Variants in SYNE1 observed in about 807,000 individuals in gnomAD.
SYNE1 encodes spectrin repeat containing nuclear envelope protein 1, also known as nesprin-1.
In SYNE1, 616 loss-of-function variants were observed where a neutral mutation model predicts 1,111.0. The observed-to-expected ratio is 0.55, with a 90% CI of 0.52 to 0.59. The LOEUF (loss-of-function observed/expected upper bound fraction) is 0.59, where lower values mean the gene tolerates loss of function less well. Among genes scored for constraint, SYNE1 ranks in the 20% least tolerant of loss-of-function variants. The pLI is 0.00. For missense variants in SYNE1, 10,006 were observed against 10,417.0 expected, an observed-to-expected ratio of 0.96 and a Z score of 1.72; for synonymous variants, 3,855 against 3,825.8, an observed-to-expected ratio of 1.01 and a Z score of -0.28.
chr6:152,376,717 A>C, intron 57 of SYNE1, 59 bp downstream of exon 57: 1 of 1,606,586 alleles, frequency 6.2e-7, no homozygotes, highest in Non-Finnish European at 8.5e-7. Flanking sequence ...CCTTAAAATA[A>C]ACTTCTAGCT....
In SYNE1 at chr6:152,167,677, T is replaced by C. The variant is rs148320490; in HGVS notation, c.23628-3352A>G. ...TTCTAGAGCCCTGAAATAGTTTTAT[T>C]TCATGAAAGGAAAGCTTTCAACTAC... On this transcript the variant is annotated intron_variant, in intron 130 of 145. Transcript: ENST00000367255. 5 of 471,042 alleles carry C rather than the reference T, an allele frequency of 1.1e-5. No homozygotes were observed. In the East Asian group the frequency reaches 2.8e-4, roughly 26 times the overall value. The allele number at this position is 471,042 out of a possible 1,614,324, so 29.2% of individuals were successfully genotyped here.
chr6:152,488,641 C>T (rs944279151), intron 11 of SYNE1, 138 bp from the exon 12 acceptor site: 6 of 588,018 alleles, frequency 1.0e-5, no homozygotes, highest in African/African-American at 9.3e-5. Context: ...TTCTCCTTAC[C>T]CCCACCTTTA....
intron 14 of SYNE1, among the ~76,000 whole-genome samples, chr6:152,476,120 G>A (rs1473206987): frequency 6.6e-6 from 1 of 152,018 alleles, no homozygotes; most frequent in East Asian, 1.9e-4. Context: ...CAGTCTCAGA[G>A]CTTTAAACAT....
intron 5 of SYNE1, among the ~76,000 whole-genome samples, chr6:152,525,769 ATCT>A (rs1034940285): frequency 6.6e-6 from 1 of 152,170 alleles, no homozygotes; most frequent in Non-Finnish European, 1.5e-5. Flanking sequence ...TTTGCAACTA[ATCT>A]TCTTGTATAC....
At chr6:152,464,642 T>C (rs1019121655) in intron 18 of SYNE1, among the ~76,000 whole-genome samples, 1 of 152,184 alleles carries the variant, frequency 6.6e-6, no homozygotes, top group African/African-American at 2.4e-5. Context: ...TGATTTTCCA[T>C]GTAAAAATGC....
At position 152,255,740 on chromosome 6, in the gene SYNE1, C is replaced by T. The variant is rs572189966; in HGVS notation, c.19111G>A (p.Gly6371Arg). The change falls in exon 103 of 146, where the codon GGG (glycine) becomes AGG (arginine). Residue 6371 changes from glycine to arginine, a missense_variant. By Grantham distance (125) the Gly-to-Arg change is moderately radical (BLOSUM62 -2). Transcript: ENST00000367255. ...AAGTGTATACTCTGCCTCTTTGCCC[C>T]TCCACTCTGGGAAACACAAAACAGG... ...AFEEVSSQSGGAKRQSIHLEQ... is the reference protein window; with the variant it reads ...AFEEVSSQSGRAKRQSIHLEQ... The T allele has an allele frequency of 2.5e-5, 41 of 1,614,178 alleles. No individual in the cohort carries two copies. The South Asian group carries it at 4.4e-4, about 17-fold the overall frequency.
At chr6:152,277,953 T>G (rs2093762446) in intron 98 of SYNE1, 136 bp downstream of exon 98, 1 of 958,060 alleles carries the variant, frequency 1.0e-6, no homozygotes, top group South Asian at 1.3e-5. Context: ...AGCTGCATGC[T>G]AAAATGTCAG....
intron 22 of SYNE1, among the ~76,000 whole-genome samples, chr6:152,457,798 G>A (rs1488247454): frequency 1.3e-5 from 2 of 151,780 alleles, no homozygotes; most frequent in Non-Finnish European, 2.9e-5. Context: ...GCCTTTTTAA[G>A]TGAAATTAAC....
intron 144 of SYNE1, among the ~76,000 whole-genome samples, chr6:152,131,741 C>T (rs1374462019): frequency 6.6e-6 from 1 of 152,130 alleles, no homozygotes; most frequent in Non-Finnish European, 1.5e-5. Flanking sequence ...CGGTTCTGTG[C>T]ACCTCCAGCC....
chr6:152,582,266 C>T (rs1044554307), intron 3 of SYNE1, among the ~76,000 whole-genome samples: 1 of 152,096 alleles, frequency 6.6e-6, no homozygotes, highest in Non-Finnish European at 1.5e-5. Flanking sequence ...TAAGATCTCC[C>T]ATAATATCAT....
At chr6:152,410,580 C>T (rs775627053) in intron 42 of SYNE1, among the ~76,000 whole-genome samples, 1 of 152,002 alleles carries the variant, frequency 6.6e-6, no homozygotes, top group South Asian at 2.1e-4. Context: ...ACTAAAAATG[C>T]AAAAATCAGC....
chr6:152,481,223 T>C, intron 14 of SYNE1: 1 of 220,930 alleles, frequency 4.5e-6, no homozygotes, highest in Non-Finnish European at 9.2e-6. Context: ...AAAGAACAAT[T>C]GTGTAGATGC....
chr6:152,547,301 G>A (rs777126225), intron 3 of SYNE1, among the ~76,000 whole-genome samples: 10 of 152,234 alleles, frequency 6.6e-5, no homozygotes, highest in African/African-American at 1.2e-4. Context: ...TTGGTCTTGC[G>A]ACCAAATAGG....
Position 152,281,935 on chromosome 6 carries a change from G to A in SYNE1, c.18253C>T (p.Leu6085=). Residue 6085 remains leucine, a synonymous_variant, in exon 97 of 146, where the codon CTG becomes TTG. Coordinates refer to ENST00000367255, the MANE Select transcript of SYNE1 (RefSeq NM_182961.4). ...TCGGCTTCACAGCGATACCTCTGCAGGGCCTGTTCCTGCCTTTGTTCCTCC... is the reference window on the plus strand; with the variant it reads ...TCGGCTTCACAGCGATACCTCTGCAAGGCCTGTTCCTGCCTTTGTTCCTCC... ...QLEEQRQEQA[L]QRYRCEADEL... is the part of the protein sequence containing the mutation. The A allele has an allele frequency of 6.2e-7, 1 of 1,614,090 alleles. No homozygotes were observed. The highest frequency in any genetic ancestry group is 8.5e-7 in the Non-Finnish European group (1 of 1,180,032).
intron 49 of SYNE1, 71 bp downstream of exon 49, chr6:152,398,548 A>T (rs1447411424): frequency 2.4e-6 from 3 of 1,267,130 alleles, no homozygotes; most frequent in African/African-American, 2.9e-5. Flanking sequence ...GGGAAATGAG[A>T]TAACTTAGGT....
chr6:152,403,372 C>A (rs908958620), intron 46 of SYNE1, among the ~76,000 whole-genome samples: 11 of 152,138 alleles, frequency 7.2e-5, no homozygotes, highest in African/African-American at 2.7e-4. Context: ...CCTCTAAACC[C>A]AGTTATTCAG....
intron 128 of SYNE1, among the ~76,000 whole-genome samples, chr6:152,185,054 G>T (rs2069420310): frequency 6.6e-6 from 1 of 152,102 alleles, no homozygotes; most frequent in South Asian, 2.1e-4. Context: ...TCCTTTTCTG[G>T]TTGAAATATT....
In SYNE1 at chr6:152,211,368, A is replaced by C. The variant is rs1176406746; in HGVS notation, c.22589+126T>G. Reference sequence around the variant, plus strand: ...ATTGAGACAAGTTTCTCCTCCAATTACTGAGGCCCCACTACAGTTCAATTG... The same window carrying C: ...ATTGAGACAAGTTTCTCCTCCAATTCCTGAGGCCCCACTACAGTTCAATTG... On this transcript the variant is annotated intron_variant, in intron 124 of 145. Coordinates refer to ENST00000367255, the MANE Select transcript of SYNE1 (RefSeq NM_182961.4). 1.3e-5 allele frequency: 10 copies of C among 747,018 alleles called. No individual in the cohort carries two copies. In the Admixed American group the frequency reaches 1.3e-4, roughly 10 times the overall value. 46.3% of individuals were successfully genotyped at this position (747,018 alleles called of 1,614,324 possible). A position where few individuals can be genotyped will look rare whatever the true frequency, so the allele number is the denominator to read the frequency against.
rs996999481 is a variant in SYNE1, at chr6:152,628,528, A to C, written c.-197T>G. 3.5e-5 allele frequency: 22 copies of C among 624,214 alleles called. No homozygotes were observed. The highest frequency in any genetic ancestry group is 6.0e-5 in the Non-Finnish European group (21 of 351,150). The allele number at this position is 624,214 out of a possible 1,614,324, so 38.7% of individuals were successfully genotyped here. A position where few individuals can be genotyped will look rare whatever the true frequency, so the allele number is the denominator to read the frequency against. ...CTTCTTTTTCTTCTTCCGTTTTAAG[A>C]CTGTCCTCTTACATGAACTCAAGAA... On this transcript the variant is annotated 5_prime_UTR_variant, in exon 3 of 146. Transcript: ENST00000367255.
Sources: allele counts gnomAD v4.1 joint callset (sites outside exome capture counted in the v4.1 genomes callset), GRCh38; gene constraint gnomAD v4.1.1; transcripts MANE v1.5; gene names NCBI Gene and HGNC (gene_info 2026-07-23, HGNC 2026-07-21).